ZNF420: variants seen among roughly 807,000 people sequenced by gnomAD.
ZNF420 encodes zinc finger protein 420.
A neutral mutation model predicts 44.7 loss-of-function variants in ZNF420; 31 were observed. The observed-to-expected ratio is 0.69, with a 90% CI of 0.52 to 0.94. The LOEUF (loss-of-function observed/expected upper bound fraction) is 0.94, where lower values mean the gene tolerates loss of function less well. Ranked by LOEUF, ZNF420 falls within the 40% of genes least tolerant of loss-of-function variation. The pLI is 0.00. For synonymous variants in ZNF420, 245 were observed against 267.4 expected (o/e 0.92, Z 0.82); for missense variants, 681 against 827.9 (o/e 0.82, Z 2.18).
At chr19:37,081,703 T>TTTTG (rs1968474909) in intron 2 of ZNF420, among the ~76,000 whole-genome samples, 1 of 143,830 alleles carries the variant, frequency 7.0e-6, no homozygotes, top group African/African-American at 2.6e-5. Context: ...TTTTTGTATT[T>TTTTG]TTTTTTTTTT....
intron 1 of ZNF420, among the ~76,000 whole-genome samples, chr19:37,022,451 G>A (rs1016538051): frequency 1.3e-5 from 2 of 151,920 alleles, no homozygotes; most frequent in African/African-American, 2.4e-5. Context: ...CTTGACATTC[G>A]AATGAGACCC....
chr19:37,073,443 A>C (rs1032250258), upstream of ZNF420, among the ~76,000 whole-genome samples: 3 of 152,168 alleles, frequency 2.0e-5, no homozygotes, highest in African/African-American at 7.2e-5. Context: ...TATAAGTACG[A>C]AATATCTGTG....
At chr19:37,041,810 A>T (rs1172055767) in intron 1 of ZNF420, among the ~76,000 whole-genome samples, 1 of 152,112 alleles carries the variant, frequency 6.6e-6, no homozygotes, top group Non-Finnish European at 1.5e-5. Context: ...AGAACCCATT[A>T]TTACTCCTGT....
chr19:37,038,782 G>A (rs747096112), intron 1 of ZNF420, among the ~76,000 whole-genome samples: 19 of 151,976 alleles, frequency 1.3e-4, no homozygotes, highest in Non-Finnish European at 2.4e-4. Flanking sequence ...GAGAAACCCC[G>A]TCTCTACTAA....
At chr19:37,040,464 A>G (rs1434216565) in intron 1 of ZNF420, among the ~76,000 whole-genome samples, 1 of 152,166 alleles carries the variant, frequency 6.6e-6, no homozygotes, top group African/African-American at 2.4e-5. Context: ...TCTTTTTTTA[A>G]TATTATAGAA....
At position 37,101,930 on chromosome 19, in the gene ZNF420, G is replaced by A. The variant is rs537511205; in HGVS notation, c.136+10809G>A. 4.6e-5 allele frequency among the ~76,000 whole-genome samples: 7 copies of A among 152,298 alleles called. No individual in the cohort carries two copies. The South Asian group carries it at 1.4e-3, about 32-fold the overall frequency. The stretch of plus-strand genomic sequence containing the variant: ...GGACAGAGGCTGGCAAGCCTATCTT[G>A]TTGGCTTAGACAGGTGTACATCTCC... On this transcript the variant is annotated intron_variant, in intron 4 of 4. Transcript: ENST00000337995.
At chr19:37,009,264 G>T (rs563110588) in intron 1 of ZNF420, among the ~76,000 whole-genome samples, 1 of 152,200 alleles carries the variant, frequency 6.6e-6, no homozygotes, top group African/African-American at 2.4e-5. Flanking sequence ...CTACCTAGGC[G>T]GTGGAGGGAT....
intron 1 of ZNF420, among the ~76,000 whole-genome samples, chr19:37,030,814 C>G (rs1967244309): frequency 6.6e-6 from 1 of 152,140 alleles, no homozygotes; most frequent in Non-Finnish European, 1.5e-5. Flanking sequence ...AGCTACAAAG[C>G]AAGACACAGT....
intron 1 of ZNF420, among the ~76,000 whole-genome samples, chr19:37,018,482 C>G (rs1409203357): frequency 6.6e-6 from 1 of 152,206 alleles, no homozygotes. Flanking sequence ...GTGCCAAGAT[C>G]AGTCAATGGG....
chr19:37,079,257 G>A (rs1050557499), intron 1 of ZNF420, among the ~76,000 whole-genome samples: 5 of 152,190 alleles, frequency 3.3e-5, no homozygotes, highest in African/African-American at 1.2e-4. Context: ...CTGTGTAACT[G>A]TGGAAATGTG....
chr19:37,035,081 A>T (rs925892580), intron 1 of ZNF420, among the ~76,000 whole-genome samples: 1 of 152,234 alleles, frequency 6.6e-6, no homozygotes, highest in Non-Finnish European at 1.5e-5. Flanking sequence ...GGGTTCCTAC[A>T]TAGACAAAAT....
chr19:37,119,801 A>G (rs913081893), intron 4 of ZNF420, among the ~76,000 whole-genome samples: 3 of 152,190 alleles, frequency 2.0e-5, no homozygotes, highest in African/African-American at 4.8e-5. Context: ...TATCACCACC[A>G]ATCCCACAGA....
intron 4 of ZNF420, among the ~76,000 whole-genome samples, chr19:37,100,994 CTTTTTTT>C (rs35330746): frequency 1.8e-4 from 24 of 137,102 alleles, no homozygotes; most frequent in Non-Finnish European, 3.8e-4. Flanking sequence ...AAATTTATTC[CTTTTTTT>C]TTTTTTTTTG....
intron 1 of ZNF420, among the ~76,000 whole-genome samples, chr19:37,059,079 T>A (rs1323239593): frequency 6.6e-6 from 1 of 152,074 alleles, no homozygotes; most frequent in African/African-American, 2.4e-5. Flanking sequence ...CCCAGTGGGA[T>A]CCAAAATCGG....
At chr19:37,036,889 A>G (rs1228117533) in intron 1 of ZNF420, among the ~76,000 whole-genome samples, 1 of 152,254 alleles carries the variant, frequency 6.6e-6, no homozygotes, top group Non-Finnish European at 1.5e-5. Context: ...TTTGATAAAT[A>G]TACCGCCATA....
intron 4 of ZNF420, chr19:37,106,999 C>T (rs571732423): frequency 6.6e-6 from 1 of 152,246 alleles, no homozygotes; most frequent in Admixed American, 6.5e-5. Flanking sequence ...GCATGTCTCT[C>T]CTCCAGCCCT....
intron 4 of ZNF420, among the ~76,000 whole-genome samples, chr19:37,110,456 T>C (rs900251896): frequency 6.6e-6 from 1 of 152,234 alleles, no homozygotes; most frequent in Non-Finnish European, 1.5e-5. Flanking sequence ...ATGATACCAG[T>C]AAGTCAGCTT....
intron 1 of ZNF420, among the ~76,000 whole-genome samples, chr19:37,056,521 T>G (rs1967757277): frequency 6.6e-6 from 1 of 152,202 alleles, no homozygotes; most frequent in Non-Finnish European, 1.5e-5. Flanking sequence ...AAGCGGTGTC[T>G]TCTCGCAGGA....
chr19:37,103,889 A>G (rs912717432), intron 4 of ZNF420, among the ~76,000 whole-genome samples: 24 of 152,160 alleles, frequency 1.6e-4, no homozygotes, highest in Admixed American at 4.6e-4. Flanking sequence ...TCCTCTTGAT[A>G]TAGCTCCATT....
Sources: allele counts gnomAD v4.1 joint callset (sites outside exome capture counted in the v4.1 genomes callset), GRCh38; gene constraint gnomAD v4.1.1; transcripts MANE v1.5; gene names NCBI Gene and HGNC (gene_info 2026-07-23, HGNC 2026-07-21).